EXOC6: variants seen among roughly 807,000 people sequenced by gnomAD.
EXOC6 encodes the protein exocyst complex component 6, also known as SEC15-like 1.
EXOC6 carries 60 observed loss-of-function variants against 112.5 expected under a neutral mutation model. The ratio of observed to expected loss-of-function variants is 0.53; its 90% CI spans 0.43 to 0.66. The LOEUF (loss-of-function observed/expected upper bound fraction) is 0.66. Among genes scored for constraint, EXOC6 ranks in the 30% least tolerant of loss-of-function variants. The pLI is 0.00. For synonymous variants in EXOC6, 295 were observed against 308.0 expected (o/e 0.96, Z 0.44); for missense variants, 855 against 957.1 (o/e 0.89, Z 1.41).
chr10:92,845,204 T>A (rs530628611), upstream of EXOC6, among the ~76,000 whole-genome samples: 33 of 152,210 alleles, frequency 2.2e-4, no homozygotes, highest in Non-Finnish European at 4.1e-4. Flanking sequence ...GCATCTGCAA[T>A]CTGCCTGTCT....
chr10:92,921,216 A>G (rs1589835377), intron 8 of EXOC6, among the ~76,000 whole-genome samples: 3 of 138,252 alleles, frequency 2.2e-5, no homozygotes, highest in South Asian at 4.7e-4. Context: ...ATATTTTCTT[A>G]TGTACCATTT....
At chr10:93,034,640 C>T (rs574958754) in intron 20 of EXOC6, among the ~76,000 whole-genome samples, 1 of 152,312 alleles carries the variant, frequency 6.6e-6, no homozygotes, top group African/African-American at 2.4e-5. Flanking sequence ...CAGGACTTTA[C>T]TTTGAAATTT....
intron 5 of EXOC6, among the ~76,000 whole-genome samples, chr10:92,903,395 G>A (rs987762560): frequency 6.7e-6 from 1 of 149,960 alleles, no homozygotes; most frequent in Non-Finnish European, 1.5e-5. Flanking sequence ...TTTACCATCA[G>A]TGAAATCAGA....
intron 20 of EXOC6, among the ~76,000 whole-genome samples, chr10:93,054,723 C>A (rs1017727568): frequency 1.3e-5 from 2 of 152,112 alleles, no homozygotes; most frequent in Non-Finnish European, 2.9e-5. Flanking sequence ...GGTAAATCAG[C>A]CTAGAGAAAA....
intron 17 of EXOC6, among the ~76,000 whole-genome samples, chr10:92,967,774 C>T (rs774734256): frequency 3.3e-5 from 5 of 152,102 alleles, no homozygotes; most frequent in East Asian, 1.9e-4. Context: ...CTTTGCCTGG[C>T]GATAGAAGGG....
chr10:92,956,153 C>T (rs915579498), intron 17 of EXOC6, among the ~76,000 whole-genome samples: 2 of 151,864 alleles, frequency 1.3e-5, no homozygotes, highest in Non-Finnish European at 2.9e-5. Context: ...ACCTCTTTTG[C>T]GGGTGGAAAG....
At chr10:92,907,928 A>G (rs969627948) in intron 5 of EXOC6, among the ~76,000 whole-genome samples, 3 of 152,202 alleles carry the variant, frequency 2.0e-5, no homozygotes, top group African/African-American at 4.8e-5. Context: ...TTACCAAGAT[A>G]AAATTTAGAT....
At chr10:93,004,497 C>A (rs1178506023) in intron 19 of EXOC6, among the ~76,000 whole-genome samples, 3 of 152,138 alleles carry the variant, frequency 2.0e-5, no homozygotes, top group East Asian at 3.8e-4. Flanking sequence ...ATCATTATTT[C>A]TTTCATAAAA....
chr10:93,027,230 G>A (rs1219204343), intron 20 of EXOC6, among the ~76,000 whole-genome samples: 1 of 152,196 alleles, frequency 6.6e-6, no homozygotes, highest in East Asian at 1.9e-4. Flanking sequence ...GAGAAGTGAG[G>A]AAGCTGCAGA....
At chr10:92,976,490 C>A (rs990277946) in intron 18 of EXOC6, among the ~76,000 whole-genome samples, 10 of 151,772 alleles carry the variant, frequency 6.6e-5, no homozygotes, top group African/African-American at 1.9e-4. Context: ...GTCATCACCA[C>A]TCCCTAATCT....
At chr10:92,842,686 T>C (rs993340546) in intron 1 of EXOC6, among the ~76,000 whole-genome samples, 1 of 151,636 alleles carries the variant, frequency 6.6e-6, no homozygotes, top group African/African-American at 2.4e-5. Context: ...GCTTGTCTTA[T>C]AAACTGGTGG....
chr10:92,827,985 C>A (rs1200558652), intron 1 of EXOC6, among the ~76,000 whole-genome samples: 1 of 152,160 alleles, frequency 6.6e-6, no homozygotes, highest in African/African-American at 2.4e-5. Flanking sequence ...ATATAACATT[C>A]CTAGATATTT....
intron 1 of EXOC6, among the ~76,000 whole-genome samples, chr10:92,835,534 T>C (rs1424142722): frequency 6.6e-6 from 1 of 152,172 alleles, no homozygotes; most frequent in Non-Finnish European, 1.5e-5. Flanking sequence ...ATAGTGACAG[T>C]CAATAAATAT....
intron 8 of EXOC6, among the ~76,000 whole-genome samples, chr10:92,922,242 G>A (rs1009222390): frequency 6.6e-6 from 1 of 152,054 alleles, no homozygotes; most frequent in Non-Finnish European, 1.5e-5. Context: ...CACCGTGGCC[G>A]GCCACTAATT....
At chr10:92,925,252 A>G (rs572420328) in intron 8 of EXOC6, among the ~76,000 whole-genome samples, 3 of 152,276 alleles carry the variant, frequency 2.0e-5, no homozygotes, top group African/African-American at 4.8e-5. Flanking sequence ...GCACAAAACA[A>G]TCACACTGGG....
chr10:93,037,225 C>T (rs1286630566), intron 20 of EXOC6, among the ~76,000 whole-genome samples: 1 of 151,508 alleles, frequency 6.6e-6, no homozygotes, highest in Non-Finnish European at 1.5e-5. Flanking sequence ...ACATTGCAGC[C>T]TCAACCTCCC....
intron 1 of EXOC6, among the ~76,000 whole-genome samples, chr10:92,854,708 T>A (rs1008601802): frequency 3.3e-5 from 5 of 152,254 alleles, no homozygotes; most frequent in African/African-American, 1.2e-4. Context: ...TCCCATTTGA[T>A]CATAGTGCAT....
chr10:92,979,515 T>G (rs1842753754), intron 18 of EXOC6, among the ~76,000 whole-genome samples: 1 of 152,186 alleles, frequency 6.6e-6, no homozygotes, highest in Admixed American at 6.5e-5. Context: ...GGGAAAGAAC[T>G]CCATTATTTT....
At chr10:93,045,725 G>C (rs1367087712) in intron 20 of EXOC6, among the ~76,000 whole-genome samples, 1 of 152,198 alleles carries the variant, frequency 6.6e-6, no homozygotes, top group African/African-American at 2.4e-5. Context: ...TGGTATTAGA[G>C]GTCTTTGAGC....
Sources: allele counts gnomAD v4.1 joint callset (sites outside exome capture counted in the v4.1 genomes callset), GRCh38; gene constraint gnomAD v4.1.1; transcripts MANE v1.5; gene names NCBI Gene and HGNC (gene_info 2026-07-23, HGNC 2026-07-21).